DZIP1: variants seen among roughly 807,000 people sequenced by gnomAD.
DZIP1 encodes the protein DAZ interacting zinc finger protein 1, also known as cilium assembly protein DZIP1.
A neutral mutation model predicts 107.6 loss-of-function variants in DZIP1; 97 were observed. The ratio of observed to expected loss-of-function variants is 0.90; its 90% CI spans 0.77 to 1.07. The LOEUF is 1.07. Ranked by LOEUF, DZIP1 falls within the 50% of genes least tolerant of loss-of-function variation. The pLI, the probability that DZIP1 is intolerant of heterozygous loss-of-function variation, is 0.00. For missense variants in DZIP1, 1,035 were observed against 1,063.6 expected, an observed-to-expected ratio of 0.97 and a Z score of 0.37; for synonymous variants, 390 against 386.4, an observed-to-expected ratio of 1.01 and a Z score of -0.11.
At position 95,589,332 on chromosome 13, in the gene DZIP1, G is replaced by T. The variant is rs1594646827; in HGVS notation, c.1974-125C>A. ...CTAACGAGGAAGAGCAGCAACAAAAGTCACCCAGCGTCAGTTAGAGACTGG... is the reference window on the plus strand; with the variant it reads ...CTAACGAGGAAGAGCAGCAACAAAATTCACCCAGCGTCAGTTAGAGACTGG... On this transcript the variant is annotated intron_variant, in intron 18 of 22. Transcript: ENST00000376829. The T allele has an allele frequency of 4.3e-6, 3 of 696,138 alleles. No homozygotes were observed. In the East Asian group the frequency reaches 8.2e-5, roughly 19 times the overall value. The allele number at this position is 696,138 out of a possible 1,614,324, so 43.1% of individuals were successfully genotyped here. A position where few individuals can be genotyped will look rare whatever the true frequency, so the allele number is the denominator to read the frequency against.
At chr13:95,619,206 AAAGGTCTAT>A (rs1875509777) in intron 10 of DZIP1, among the ~76,000 whole-genome samples, 1 of 152,242 alleles carries the variant, frequency 6.6e-6, no homozygotes, top group Non-Finnish European at 1.5e-5. Context: ...AAAACTTAGG[AAAGGTCTAT>A]GATATATAAA....
At chr13:95,627,604 A>G (rs1459996842) in intron 7 of DZIP1, among the ~76,000 whole-genome samples, 1 of 152,208 alleles carries the variant, frequency 6.6e-6, no homozygotes, top group Non-Finnish European at 1.5e-5. Context: ...CCACCCACCC[A>G]ATAGGATGGC....
chr13:95,642,827 A>C (rs2139520410), intron 3 of DZIP1, among the ~76,000 whole-genome samples: 1 of 150,098 alleles, frequency 6.7e-6, no homozygotes, highest in African/African-American at 2.4e-5. Context: ...CTGACACCCA[A>C]GTTGCTTTTT....
rs748472362 is a variant in DZIP1 at position 95,589,868 on chromosome 13, A to G, written c.1908T>C (p.Leu636=). 4.4e-5 allele frequency: 71 copies of G among 1,614,046 alleles called. No homozygotes were observed. The highest frequency in any genetic ancestry group is 5.8e-5 in the Non-Finnish European group (69 of 1,180,026). The change falls in exon 18 of 23, where the codon CTT becomes CTC. Residue 636 remains leucine (L), a synonymous_variant. Coordinates refer to ENST00000376829, the MANE Select transcript of DZIP1 (RefSeq NM_198968.4). ...STGEVPKMIQ[L]PSKNRQLIRQ... ...TAATCAGTTGTCTGTTTTTGGAAGG[A>G]AGTTGTATCATTTTGGGTACTTCTC...
intron 5 of DZIP1, among the ~76,000 whole-genome samples, chr13:95,633,948 TAAA>T (rs1241954886): frequency 6.6e-6 from 1 of 151,952 alleles, no homozygotes; most frequent in East Asian, 1.9e-4. Flanking sequence ...AGTAAATAAA[TAAA>T]AATAAAACCA....
intron 10 of DZIP1, among the ~76,000 whole-genome samples, chr13:95,619,065 C>T (rs963087451): frequency 2.1e-5 from 3 of 140,408 alleles, no homozygotes; most frequent in African/African-American, 5.1e-5. Flanking sequence ...AAATTACTTA[C>T]ATTGCAGTTC....
Position 95,599,798 on chromosome 13 carries a change from T to G in DZIP1, c.1478-374A>C, listed in dbSNP as rs2044561354. Reference sequence around the variant, plus strand: ...CTAAACAGAAAATTAATGAAAATATTTCAACTACAAAAACATTAAAAATTC... The same window carrying G: ...CTAAACAGAAAATTAATGAAAATATGTCAACTACAAAAACATTAAAAATTC... On this transcript the variant is annotated intron_variant, in intron 14 of 22. Transcript: ENST00000376829. Among the ~76,000 whole-genome samples the G allele has an allele frequency of 2.0e-5, 3 of 152,192 alleles. No homozygotes were observed. The South Asian group carries it at 6.2e-4, about 32-fold the overall frequency.
chr13:95,633,848 G>A (rs901612511), intron 5 of DZIP1, among the ~76,000 whole-genome samples: 2 of 152,118 alleles, frequency 1.3e-5, no homozygotes, highest in African/African-American at 4.8e-5. Context: ...GCACGAGGCC[G>A]AAGGCAGTTG....
intron 5 of DZIP1, among the ~76,000 whole-genome samples, chr13:95,635,316 C>T (rs1877674354): frequency 6.6e-6 from 1 of 151,662 alleles, no homozygotes; most frequent in East Asian, 1.9e-4. Flanking sequence ...CCTGCCACAG[C>T]CTCCTGAGTA....
intron 12 of DZIP1, among the ~76,000 whole-genome samples, chr13:95,609,898 C>A (rs908317150): frequency 6.6e-6 from 1 of 152,112 alleles, no homozygotes; most frequent in Non-Finnish European, 1.5e-5. Flanking sequence ...GACAAAGATT[C>A]CTCAACAACC....
At chr13:95,599,299 T>C in intron 15 of DZIP1, 66 bp downstream of exon 15, 1 of 1,412,886 alleles carries the variant, frequency 7.1e-7, no homozygotes, top group Non-Finnish European at 9.9e-7. Flanking sequence ...GCTCATATTT[T>C]CCAGGCCTAG....
intron 6 of DZIP1, among the ~76,000 whole-genome samples, chr13:95,632,275 T>G (rs1877280633): frequency 6.6e-6 from 1 of 152,134 alleles, no homozygotes; most frequent in Non-Finnish European, 1.5e-5. Context: ...CTGTTGCACA[T>G]GTGATGTAAA....
chr13:95,608,335 A>G (rs1406981841), intron 13 of DZIP1, among the ~76,000 whole-genome samples: 2 of 151,996 alleles, frequency 1.3e-5, no homozygotes, highest in South Asian at 4.1e-4. Flanking sequence ...AATTAAAAGG[A>G]TGAGATTTAT....
At chr13:95,624,740 C>T in intron 8 of DZIP1, 28 bp downstream of exon 8, 1 of 1,568,996 alleles carries the variant, frequency 6.4e-7, no homozygotes, top group Non-Finnish European at 8.7e-7. Flanking sequence ...CAATCAATAC[C>T]ATAAGAACTT....
chr13:95,644,061 G>A (rs1015248347), intron 1 of DZIP1, among the ~76,000 whole-genome samples: 5 of 152,174 alleles, frequency 3.3e-5, no homozygotes, highest in African/African-American at 9.6e-5. Flanking sequence ...AAAGAAGGGG[G>A]CATGCTTTCC....
intron 22 of DZIP1, 51 bp downstream of exon 22, chr13:95,584,685 C>T (rs534371657): frequency 6.4e-7 from 1 of 1,561,778 alleles, no homozygotes; most frequent in East Asian, 2.3e-5. Flanking sequence ...AGATGAAACA[C>T]AACTAATAAG....
chr13:95,586,797 C>T (rs1461665812), intron 20 of DZIP1, among the ~76,000 whole-genome samples: 1 of 151,814 alleles, frequency 6.6e-6, no homozygotes, highest in East Asian at 1.9e-4. Flanking sequence ...TTGCATTAAG[C>T]TGAATTTTTT....
intron 16 of DZIP1, among the ~76,000 whole-genome samples, chr13:95,591,022 CTTTTTTTTT>C (rs755824494): frequency 7.8e-6 from 1 of 127,466 alleles, no homozygotes; most frequent in Non-Finnish European, 1.7e-5. Context: ...GAGGTGACTT[CTTTTTTTTT>C]TTTTTTTTTT....
Position 95,579,778 on chromosome 13 carries a change from T to C in DZIP1, c.*2456A>G, listed in dbSNP as rs1371631545. ...ACCTTGATAATCCTTGAAATATCTT[T>C]TGCAGAAATACAAATCAACTGAAAG... On this transcript the variant is annotated 3_prime_UTR_variant, in exon 23 of 23. Transcript: ENST00000376829. The C allele has an allele frequency of 6.6e-6, 1 of 152,232 alleles. No individual in the cohort carries two copies. The highest frequency in any genetic ancestry group is 2.4e-5 in the African/African-American group (1 of 41,470). The allele number at this position is 152,232 out of a possible 1,614,324, so 9.4% of individuals were successfully genotyped here.
Sources: allele counts gnomAD v4.1 joint callset (sites outside exome capture counted in the v4.1 genomes callset), GRCh38; gene constraint gnomAD v4.1.1; transcripts MANE v1.5; gene names NCBI Gene and HGNC (gene_info 2026-07-23, HGNC 2026-07-21).